Variants in CLPX observed in about 807,000 individuals in gnomAD.
CLPX encodes the protein ATP-dependent clpX-like chaperone, mitochondrial.
In CLPX, 34 loss-of-function variants were observed where a neutral mutation model predicts 76.4. That is an observed-to-expected ratio of 0.45 (90% confidence interval 0.34 to 0.59). CLPX has a LOEUF of 0.59. CLPX is among the 20% of genes least tolerant of loss of function. CLPX has a pLI of 0.01. For missense variants in CLPX, 613 were observed against 757.0 expected (o/e 0.81, Z 2.23); for synonymous variants, 248 against 270.9 (o/e 0.92, Z 0.83).
chr15:65,181,146 C>T (rs1016230420), intron 1 of CLPX, among the ~76,000 whole-genome samples: 4 of 151,764 alleles, frequency 2.6e-5, no homozygotes, highest in African/African-American at 9.7e-5. Flanking sequence ...TTGCAGTGAG[C>T]CAAGATCATG....
intron 3 of CLPX, among the ~76,000 whole-genome samples, chr15:65,169,922 G>A (rs147825886): frequency 2.4e-4 from 37 of 151,814 alleles, no homozygotes; most frequent in African/African-American, 8.2e-4. Context: ...CACCACGCCC[G>A]GCTAATTTTG....
chr15:65,175,409 G>A (rs527788165), intron 3 of CLPX, among the ~76,000 whole-genome samples: 1 of 152,090 alleles, frequency 6.6e-6, no homozygotes, highest in Admixed American at 6.6e-5. Context: ...CCTGAGGCTG[G>A]CACTTGAATC....
intron 12 of CLPX, 45 bp from the exon 13 acceptor site, chr15:65,152,581 T>TA: frequency 9.7e-7 from 1 of 1,035,198 alleles, no homozygotes; most frequent in Non-Finnish European, 1.3e-6. Context: ...ACAGATTACA[T>TA]ACAAGTGCTT....
chr15:65,182,118 C>CAA (rs540972406), intron 1 of CLPX, among the ~76,000 whole-genome samples: 10 of 69,226 alleles, frequency 1.4e-4, no homozygotes, highest in South Asian at 5.0e-4. Flanking sequence ...GTCTCCGTCT[C>CAA]AAAAAAAAAA....
chr15:65,158,496 A>G lies in CLPX; in HGVS notation c.892+79T>C, dbSNP rs766675336. On this transcript the variant is annotated intron_variant, in intron 7 of 13. Coordinates refer to ENST00000300107, the MANE Select transcript of CLPX (RefSeq NM_006660.5). ...TCTTCTCAAGAGCCGTAATACTTCA[A>G]TCGCAAGATACAGGTTATAGAATCA... is the stretch of plus-strand genomic sequence containing the variant. 18 of 1,216,066 alleles carry G rather than the reference A, an allele frequency of 1.5e-5. No individual in the cohort carries two copies. In the Admixed American group the frequency reaches 3.1e-4, roughly 21 times the overall value. 75.3% of individuals were successfully genotyped at this position (1,216,066 alleles called of 1,614,324 possible). A position where few individuals can be genotyped will look rare whatever the true frequency, so the allele number is the denominator to read the frequency against.
intron 13 of CLPX, among the ~76,000 whole-genome samples, chr15:65,151,446 A>AT (rs2087718588): frequency 1.7e-5 from 2 of 116,106 alleles, no homozygotes; most frequent in South Asian, 6.6e-4. Flanking sequence ...TGACAAATTT[A>AT]TTACTGGGAG....
Position 65,153,530 on chromosome 15 carries a change from GA to G in CLPX, c.1704+16del, listed in dbSNP as rs772961748. 1 of 1,483,178 alleles carries G rather than the reference GA, an allele frequency of 6.7e-7. No individual in the cohort carries two copies. The allele number at this position is 1,483,178 out of a possible 1,614,324, so 91.9% of individuals were successfully genotyped here. A position where few individuals can be genotyped will look rare whatever the true frequency, so the allele number is the denominator to read the frequency against. On this transcript the variant is annotated intron_variant, in intron 12 of 13. Coordinates refer to ENST00000300107, the MANE Select transcript of CLPX (RefSeq NM_006660.5). ...AGACCAAGAAATAATTGTTTTTATA[GA>G]ATAATGCCAACTCACCATTATGGAC...
At position 65,164,002 on chromosome 15, in the gene CLPX, A is replaced by G. The variant is rs752801654; in HGVS notation, c.673+27T>C. ...ATTACTTTTAAGCATAGCAATCTCT[A>G]TTTAGGTCAATTATCAAAAACGCTA... On this transcript the variant is annotated intron_variant, in intron 5 of 13. Coordinates refer to ENST00000300107, the MANE Select transcript of CLPX (RefSeq NM_006660.5). 3.8e-6 allele frequency: 6 copies of G among 1,597,536 alleles called. No individual in the cohort carries two copies. The East Asian group carries it at 1.3e-4, about 36-fold the overall frequency.
Position 65,178,915 on chromosome 15 carries a change from T to C in CLPX, c.358+19A>G. The C allele has an allele frequency of 7.8e-7, 1 of 1,287,526 alleles. No homozygotes were observed. 79.8% of individuals were successfully genotyped at this position (1,287,526 alleles called of 1,614,324 possible). A position where few individuals can be genotyped will look rare whatever the true frequency, so the allele number is the denominator to read the frequency against. On this transcript the variant is annotated intron_variant, in intron 3 of 13. Transcript: ENST00000300107. Reference sequence around the variant, plus strand: ...AGAAAATGTAGGGAAAAAAGAACAGTAGAAGATGTAATACTTACATACAAA... The same window carrying C: ...AGAAAATGTAGGGAAAAAAGAACAGCAGAAGATGTAATACTTACATACAAA...
chr15:65,166,155 G>C lies in CLPX; in HGVS notation c.513+476C>G, dbSNP rs567402029. ...GCCACAGTGCTATACGGAGCAGCCC[G>C]GCACACTGGCTATGAAAAAACTACT... On this transcript the variant is annotated intron_variant, in intron 4 of 13. Transcript: ENST00000300107. Among the ~76,000 whole-genome samples the C allele has an allele frequency of 2.3e-3, 344 of 152,210 alleles. 2 individuals carry two copies. Among genetic ancestry groups the C allele is most frequent in the African/African-American group, 8.1e-3 (335 of 41,510 alleles).
intron 2 of CLPX, among the ~76,000 whole-genome samples, chr15:65,179,253 T>C (rs1046278148): frequency 2.0e-5 from 3 of 152,224 alleles, no homozygotes; most frequent in African/African-American, 7.2e-5. Flanking sequence ...AGTAAATACA[T>C]ATATATCTGC....
intron 1 of CLPX, 58 bp downstream of exon 1, chr15:65,185,017 G>T: frequency 6.9e-7 from 1 of 1,443,736 alleles, no homozygotes; most frequent in Non-Finnish European, 9.5e-7. Flanking sequence ...CCCAACCATT[G>T]GCCAGTCCAC....
intron 13 of CLPX, among the ~76,000 whole-genome samples, 193 bp downstream of exon 13, chr15:65,152,237 A>G (rs942277177): frequency 6.6e-6 from 1 of 152,024 alleles, no homozygotes; most frequent in African/African-American, 2.4e-5. Context: ...CTGATGATCA[A>G]CTTTCAAAGA....
intron 1 of CLPX, among the ~76,000 whole-genome samples, chr15:65,182,406 A>T (rs2088187622): frequency 6.6e-6 from 1 of 152,224 alleles, no homozygotes. Flanking sequence ...AAAAATTTTT[A>T]AAATATGCCT....
chr15:65,163,386 T>C (rs1034082672), intron 5 of CLPX, among the ~76,000 whole-genome samples: 3 of 152,108 alleles, frequency 2.0e-5, no homozygotes, highest in Non-Finnish European at 4.4e-5. Context: ...CAATCAAAGA[T>C]AATGTAGACT....
chr15:65,179,180 A>G, intron 2 of CLPX, 129 bp from the exon 3 acceptor site: 2 of 540,318 alleles, frequency 3.7e-6, no homozygotes, highest in Non-Finnish European at 6.5e-6. Context: ...AATTATTAGT[A>G]TATTTTATAA....
At chr15:65,154,667 G>C (rs913303702) in intron 11 of CLPX, 115 bp downstream of exon 11, 1 of 716,318 alleles carries the variant, frequency 1.4e-6, no homozygotes, top group Non-Finnish European at 2.3e-6. Flanking sequence ...ATTTAGTAAG[G>C]AATAGGCTGG....
chr15:65,151,221 T>C (rs1446083710), intron 13 of CLPX, among the ~76,000 whole-genome samples: 1 of 151,558 alleles, frequency 6.6e-6, no homozygotes, highest in African/African-American at 2.4e-5. Flanking sequence ...GGCACACACC[T>C]GTAGTCCCAG....
chr15:65,149,939 G>A lies in CLPX; in HGVS notation c.*884C>T, dbSNP rs2140604495. The A allele has an allele frequency of 6.5e-6, 1 of 154,468 alleles. No individual in the cohort carries two copies. The highest frequency in any genetic ancestry group is 1.4e-5 in the Non-Finnish European group (1 of 69,574). 9.6% of individuals were successfully genotyped at this position (154,468 alleles called of 1,614,324 possible). On this transcript the variant is annotated 3_prime_UTR_variant, in exon 14 of 14. Transcript: ENST00000300107. The stretch of plus-strand genomic sequence containing the variant: ...ATGGCCTTTTTTACAGAACCAATTG[G>A]GAAGTTAGTGTCATGCATTAGCAGA...
Sources: allele counts gnomAD v4.1 joint callset (sites outside exome capture counted in the v4.1 genomes callset), GRCh38; gene constraint gnomAD v4.1.1; transcripts MANE v1.5; gene names NCBI Gene and HGNC (gene_info 2026-07-23, HGNC 2026-07-21).